The following CHD1 variants were observed in gnomAD, a reference collection of about 807,000 sequenced individuals.
CHD1 encodes the protein ATP-dependent chromatin remodeler CHD1.
In CHD1, 36 loss-of-function variants were observed where a neutral mutation model predicts 224.2. That is an observed-to-expected ratio of 0.16 (90% CI 0.12 to 0.21). The LOEUF (loss-of-function observed/expected upper bound fraction) is 0.21, where lower values mean the gene tolerates loss of function less well. Ranked by LOEUF, CHD1 falls within the 10% of genes least tolerant of loss-of-function variation. The probability of loss-of-function intolerance (pLI) is 1.00; values close to 1 mark genes in which losing one functional copy is unlikely to be tolerated. For missense variants in CHD1, 1,378 were observed against 1,994.8 expected, an observed-to-expected ratio of 0.69 and a Z score of 5.89; for synonymous variants, 668 against 658.3, an observed-to-expected ratio of 1.01 and a Z score of -0.23.
At chr5:98,918,064 T>TA (rs1482953258) in intron 2 of CHD1, among the ~76,000 whole-genome samples, 1 of 151,604 alleles carries the variant, frequency 6.6e-6, no homozygotes, top group Non-Finnish European at 1.5e-5. Flanking sequence ...GAAAAACTTT[T>TA]TTTTTTTTTT....
At chr5:98,876,914 T>C (rs1360102890) in intron 23 of CHD1, among the ~76,000 whole-genome samples, 2 of 152,178 alleles carry the variant, frequency 1.3e-5, no homozygotes, top group East Asian at 3.9e-4. Flanking sequence ...ATGCCTGTAA[T>C]CCCAGCATGA....
intron 17 of CHD1, among the ~76,000 whole-genome samples, chr5:98,887,363 CAGGGAT>C (rs1561512183): frequency 1.2e-4 from 18 of 152,054 alleles, no homozygotes; most frequent in South Asian, 2.1e-4. Flanking sequence ...TCTGACAAAG[CAGGGAT>C]TGTGTGTTCA....
chr5:98,911,664 G>A (rs1321218192), intron 2 of CHD1, among the ~76,000 whole-genome samples: 1 of 152,146 alleles, frequency 6.6e-6, no homozygotes, highest in Non-Finnish European at 1.5e-5. Context: ...CACTTTAGAA[G>A]ATATATCATT....
chr5:98,892,613 C>T lies in CHD1; in HGVS notation c.2092G>A (p.Val698Ile), dbSNP rs2112472402. 8 of 1,613,816 alleles carry T rather than the reference C, an allele frequency of 5.0e-6. No homozygotes were observed. Among genetic ancestry groups the T allele is most frequent in the Non-Finnish European group, 6.8e-6 (8 of 1,179,774 alleles). The change falls in exon 15 of 36, where the codon GTT (valine) becomes ATT (isoleucine). Residue 698 changes from valine (V) to isoleucine (I), a missense_variant. This residue lies in a region of CHD1 where 37 missense variants were observed against 118.9 expected (regional missense o/e 0.31). Transcript: ENST00000614616. ...KELEPFLLRRVKKDVEKSLPA... is the reference protein window; with the variant it reads ...KELEPFLLRRIKKDVEKSLPA... ...AGAGATTTTTCCACATCTTTCTTAA[C>T]TCGGCGTAACAGAAATGGCTCAAGC...
chr5:98,866,809 CTAGT>C (rs1748906730), intron 31 of CHD1, among the ~76,000 whole-genome samples: 1 of 151,996 alleles, frequency 6.6e-6, no homozygotes, highest in African/African-American at 2.4e-5. Context: ...TTTCCTAGTC[CTAGT>C]TAAAGCCAAA....
Position 98,882,934 on chromosome 5 carries a change from T to C in CHD1, c.2718+154A>G, listed in dbSNP as rs575318078. ...CAATTCTGTCAGACTCTCCAGGTGA[T>C]TTTGGTAAACCAAGCTCCTCAGTAT... On this transcript the variant is annotated intron_variant, in intron 19 of 35. Coordinates refer to ENST00000614616, the MANE Select transcript of CHD1 (RefSeq NM_001270.4). 5.6e-4 allele frequency among the ~76,000 whole-genome samples: 86 copies of C among 152,286 alleles called. 1 individual carries two copies. Among genetic ancestry groups the C allele is most frequent in the African/African-American group, 2.0e-3 (82 of 41,562 alleles).
At chr5:98,872,310 T>TG in intron 27 of CHD1, 107 bp downstream of exon 27, 1 of 1,461,134 alleles carries the variant, frequency 6.8e-7, no homozygotes, top group South Asian at 1.3e-5. Flanking sequence ...CTTTATTTCT[T>TG]CCTTTTTTTT....
Position 98,873,650 on chromosome 5 carries a change from C to G in CHD1, c.3514G>C (p.Val1172Leu). ...AATGCTTTAATGCAACCATTATGTA[C>G]CAATTCTCCCAGTCGTCTAAGGTCT... ...ETDLRRLGEL[V>L]HNGCIKALKD... The change falls in exon 26 of 36, where the codon GTA becomes CTA. Residue 1172 changes from valine (V) to leucine (L), a missense_variant. Physicochemically the swap from Val to Leu is conservative, Grantham distance 32. Transcript: ENST00000614616. The G allele has an allele frequency of 6.2e-7, 1 of 1,610,520 alleles. No homozygotes were observed. Among genetic ancestry groups the G allele is most frequent in the African/African-American group, 1.3e-5 (1 of 74,870 alleles).
chr5:98,919,645 T>C (rs924001545), intron 2 of CHD1, among the ~76,000 whole-genome samples: 4 of 152,264 alleles, frequency 2.6e-5, no homozygotes, highest in Non-Finnish European at 5.9e-5. Context: ...GTAAGGAAGT[T>C]ACAAAGCAAT....
At chr5:98,858,861 TA>T in intron 34 of CHD1, 102 bp downstream of exon 34, 1 of 647,648 alleles carries the variant, frequency 1.5e-6, no homozygotes, top group Non-Finnish European at 2.5e-6. Context: ...TACTTATAAA[TA>T]AAAACAAGGT....
chr5:98,894,644 T>G lies in CHD1; in HGVS notation c.1753A>C (p.Lys585Gln), dbSNP rs1271764404. ...TAAGTTGTTAACAATATATTAAATT[T>G]TAACCGTTTGGTCTGATGATGCGTC... is the stretch of plus-strand genomic sequence containing the variant. ...EWTHHQTKRL[K>Q]FNILLTTYEI... The change falls in exon 13 of 36, where the codon AAA becomes CAA. Residue 585 changes from lysine (K) to glutamine (Q), a missense_variant. Around this residue, in one of 16 missense-constraint regions of CHD1, gnomAD observed 49 missense variants for 135.7 expected, o/e 0.36. Transcript: ENST00000614616. The G allele has an allele frequency of 6.8e-7, 1 of 1,478,356 alleles. No individual in the cohort carries two copies. Among genetic ancestry groups the G allele is most frequent in the Non-Finnish European group, 9.3e-7 (1 of 1,076,420 alleles). 91.6% of individuals were successfully genotyped at this position (1,478,356 alleles called of 1,614,324 possible). A position where few individuals can be genotyped will look rare whatever the true frequency, so the allele number is the denominator to read the frequency against.
chr5:98,904,003 C>T, intron 3 of CHD1, 95 bp from the exon 4 acceptor site: 1 of 703,054 alleles, frequency 1.4e-6, no homozygotes, highest in Non-Finnish European at 2.4e-6. Context: ...ATCTTTACTG[C>T]CTCAAAGTAA....
At chr5:98,921,151 A>C (rs1753069273) in intron 2 of CHD1, among the ~76,000 whole-genome samples, 1 of 152,212 alleles carries the variant, frequency 6.6e-6, no homozygotes, top group Non-Finnish European at 1.5e-5. Context: ...GTGAGGATGA[A>C]CTGTGACAAT....
chr5:98,894,724 A>T, intron 12 of CHD1, 38 bp from the exon 13 acceptor site: 1 of 887,368 alleles, frequency 1.1e-6, no homozygotes, highest in Non-Finnish European at 1.8e-6. Flanking sequence ...TAAGACAAAC[A>T]TCAAGCAAAT....
At chr5:98,877,443 G>A (rs1342888200) in intron 23 of CHD1, among the ~76,000 whole-genome samples, 4 of 151,872 alleles carry the variant, frequency 2.6e-5, no homozygotes, top group Admixed American at 6.6e-5. Context: ...CTTTTTTTCC[G>A]TTCTGCTTAA....
At chr5:98,865,387 G>A (rs144910827) in intron 31 of CHD1, among the ~76,000 whole-genome samples, 276 of 152,226 alleles carry the variant, frequency 1.8e-3, no homozygotes, top group Middle Eastern at 3.4e-3. Flanking sequence ...GAAATATAAC[G>A]GTGTGACTTT....
At position 98,872,144 on chromosome 5, in the gene CHD1, T is replaced by A. The variant is rs768731808; in HGVS notation, c.3768A>T (p.Glu1256Asp). The change falls in exon 28 of 36, where the codon GAA becomes GAT. Residue 1256 changes from glutamate (E) to aspartate (D), a missense_variant. This residue lies in a region of CHD1 where 286 missense variants were observed against 445.1 expected (regional missense o/e 0.64). Coordinates refer to ENST00000614616, the MANE Select transcript of CHD1 (RefSeq NM_001270.4). ...TGCCAATTAACAAATTGGAATCATC[T>A]TCTTTGCCCCAGTCTATATCAAAAT... Reference protein sequence around the residue: ...AAHFDIDWGKEDDSNLLIGIY... With the variant: ...AAHFDIDWGKDDDSNLLIGIY... 1.2e-6 allele frequency: 2 copies of A among 1,613,768 alleles called. No homozygotes were observed. Among genetic ancestry groups the A allele is most frequent in the South Asian group, 2.2e-5 (2 of 91,066 alleles).
intron 31 of CHD1, among the ~76,000 whole-genome samples, chr5:98,867,726 G>A (rs1412234726): frequency 6.6e-6 from 1 of 151,404 alleles, no homozygotes; most frequent in South Asian, 2.1e-4. Context: ...TAAGACACCA[G>A]CTGGGTGCGA....
intron 9 of CHD1, 59 bp downstream of exon 9, chr5:98,898,604 CT>C: frequency 7.7e-7 from 1 of 1,304,894 alleles, no homozygotes; most frequent in South Asian, 1.3e-5. Flanking sequence ...AAACTTATGA[CT>C]TTTTTCAGAT....
Sources: allele counts gnomAD v4.1 joint callset (sites outside exome capture counted in the v4.1 genomes callset), GRCh38; gene constraint gnomAD v4.1.1; regional missense constraint gnomAD v4.1.1; transcripts MANE v1.5; gene names NCBI Gene and HGNC (gene_info 2026-07-23, HGNC 2026-07-21).